The following COL19A1 variants were observed in gnomAD, a reference collection of about 807,000 sequenced individuals.
The protein encoded by COL19A1 is collagen type XIX alpha 1 chain.
COL19A1 carries 159 observed loss-of-function variants against 190.2 expected under a neutral mutation model. The observed-to-expected ratio is 0.84, with a 90% CI of 0.73 to 0.95. The LOEUF (loss-of-function observed/expected upper bound fraction) is 0.95. Among genes scored for constraint, COL19A1 ranks in the 40% least tolerant of loss-of-function variants. COL19A1 has a pLI of 0.00. For synonymous variants in COL19A1, 509 were observed against 458.9 expected, an observed-to-expected ratio of 1.11 and a Z score of -1.39; for missense variants, 1,418 against 1,431.9, an observed-to-expected ratio of 0.99 and a Z score of 0.16.
chr6:69,936,668 TA>T, intron 7 of COL19A1, 116 bp from the exon 8 acceptor site: 1 of 1,333,946 alleles, frequency 7.5e-7, no homozygotes, highest in Non-Finnish European at 1.0e-6. Flanking sequence ...TTTTGGTTAG[TA>T]AGAAGCAGTT....
rs766115611 is a variant in COL19A1 at position 70,146,608 on chromosome 6, G to A, written c.1771-51G>A. The A allele has an allele frequency of 5.6e-6, 8 of 1,438,534 alleles. No homozygotes were observed. The Admixed American group carries it at 9.7e-5, about 17-fold the overall frequency. 89.1% of individuals were successfully genotyped at this position (1,438,534 alleles called of 1,614,324 possible). A position where few individuals can be genotyped will look rare whatever the true frequency, so the allele number is the denominator to read the frequency against. On this transcript the variant is annotated intron_variant, in intron 25 of 50. Coordinates refer to ENST00000620364, the MANE Select transcript of COL19A1 (RefSeq NM_001858.6). ...ATATTTTAGTTATAACTTCTAATGT[G>A]TTTATAACTTTTCTAGAAGAAGATA...
At chr6:69,995,034 T>C (rs888383197) in intron 11 of COL19A1, among the ~76,000 whole-genome samples, 3 of 152,154 alleles carry the variant, frequency 2.0e-5, no homozygotes, top group Admixed American at 1.3e-4. Context: ...ATGTTCTCTC[T>C]CTCACATACA....
chr6:70,200,749 C>G (rs1345182764), intron 49 of COL19A1, among the ~76,000 whole-genome samples: 1 of 152,172 alleles, frequency 6.6e-6, no homozygotes, highest in Non-Finnish European at 1.5e-5. Context: ...CCTTCCTCTT[C>G]TGAAAGAGCA....
At chr6:69,983,293 A>G (rs1776149804) in intron 11 of COL19A1, among the ~76,000 whole-genome samples, 1 of 152,112 alleles carries the variant, frequency 6.6e-6, no homozygotes, top group African/African-American at 2.4e-5. Flanking sequence ...AATACTTTTA[A>G]ATTTTAACTT....
intron 11 of COL19A1, among the ~76,000 whole-genome samples, chr6:70,010,478 A>G (rs1777923943): frequency 1.4e-5 from 2 of 142,844 alleles, no homozygotes; most frequent in Non-Finnish European, 3.0e-5. Context: ...AGTGCCAGAG[A>G]GTTGGCGCAG....
intron 11 of COL19A1, among the ~76,000 whole-genome samples, chr6:70,003,233 G>T (rs1226582544): frequency 6.6e-6 from 1 of 151,836 alleles, no homozygotes; most frequent in African/African-American, 2.4e-5. Context: ...TGCACTGAGA[G>T]ACTGTTTGTT....
At chr6:69,879,379 A>G (rs554580584) in intron 1 of COL19A1, among the ~76,000 whole-genome samples, 157 bp from the exon 2 acceptor site, 20 of 152,342 alleles carry the variant, frequency 1.3e-4, no homozygotes, top group Admixed American at 2.0e-4. Context: ...ATTAAGGTAT[A>G]TATTGAGATA....
rs1313704586 is a variant in COL19A1, at chr6:70,034,246, G to A, written c.1082G>A (p.Gly361Asp). The part of the protein sequence containing the change: ...PALAGLNGEN[G>D]LKGDLGPHGP... ...GTATTGGTTATATTCTTTCTACAGG[G>A]TTTGAAAGGTGACTTGGGTCCTCAT... Residue 361 changes from glycine (G) to aspartate (D), a missense_variant and splice_region_variant, in exon 13 of 51, where the codon GGT becomes GAT. Gly to Asp is a moderately conservative substitution (Grantham distance 94). Transcript: ENST00000620364. The A allele has an allele frequency of 8.7e-6, 14 of 1,609,024 alleles. No homozygotes were observed. Among genetic ancestry groups the A allele is most frequent in the Admixed American group, 1.7e-5 (1 of 60,000 alleles).
At position 70,159,071 on chromosome 6, in the gene COL19A1, C is replaced by A. The variant is rs78563209; in HGVS notation, c.2292+2348C>A. Among the ~76,000 whole-genome samples, 44 of 151,688 alleles carry A rather than the reference C, an allele frequency of 2.9e-4. No homozygotes were observed. In the East Asian group the frequency reaches 6.2e-3, roughly 21 times the overall value. ...ATGTGGTCATCAAAGGTTAATGAATCCCAAGCTTATAAATTAGACTATCTA... is the reference window on the plus strand; with the variant it reads ...ATGTGGTCATCAAAGGTTAATGAATACCAAGCTTATAAATTAGACTATCTA... On this transcript the variant is annotated intron_variant, in intron 34 of 50. Coordinates refer to ENST00000620364, the MANE Select transcript of COL19A1 (RefSeq NM_001858.6).
chr6:70,185,395 A>G (rs530787073), intron 46 of COL19A1, among the ~76,000 whole-genome samples: 1 of 152,290 alleles, frequency 6.6e-6, no homozygotes, highest in East Asian at 1.9e-4. Context: ...GTCTCCAGAC[A>G]TCACCAAATG....
chr6:69,962,196 G>A (rs1214350676), intron 10 of COL19A1, among the ~76,000 whole-genome samples: 2 of 152,148 alleles, frequency 1.3e-5, no homozygotes, highest in African/African-American at 4.8e-5. Context: ...ATCAGAGAGG[G>A]TGTAGATGAA....
Position 70,118,527 on chromosome 6 carries a change from T to C in COL19A1, c.1279-3353T>C, listed in dbSNP as rs561120378. 2.0e-4 allele frequency among the ~76,000 whole-genome samples: 31 copies of C among 152,318 alleles called. 2 individuals are homozygous for C. The South Asian group carries it at 6.4e-3, about 32-fold the overall frequency. ...GGGTAGACGGTTGGCTGTAAATTTC[T>C]GTCACATTAAACTTGCAATTTGTGG... is the stretch of plus-strand genomic sequence containing the variant. On this transcript the variant is annotated intron_variant, in intron 16 of 50. Coordinates refer to ENST00000620364, the MANE Select transcript of COL19A1 (RefSeq NM_001858.6).
intron 9 of COL19A1, among the ~76,000 whole-genome samples, chr6:69,954,038 G>A (rs572645979): frequency 2.0e-5 from 3 of 152,070 alleles, no homozygotes; most frequent in East Asian, 1.9e-4. Context: ...TGCCAAAGCC[G>A]GTGTAAGGTA....
In COL19A1 at chr6:70,124,227, A is replaced by T. The variant is rs192645055; in HGVS notation, c.1341+2285A>T. On this transcript the variant is annotated intron_variant, in intron 17 of 50. Coordinates refer to ENST00000620364, the MANE Select transcript of COL19A1 (RefSeq NM_001858.6). ...GACACCTGTAATGACACCTGCTGTTATAAAATAGGATTTATCATAAATGCT... is the reference window on the plus strand; with the variant it reads ...GACACCTGTAATGACACCTGCTGTTTTAAAATAGGATTTATCATAAATGCT... Among the ~76,000 whole-genome samples, 20 of 152,312 alleles carry T rather than the reference A, an allele frequency of 1.3e-4. No homozygotes were observed. In the East Asian group the frequency reaches 3.9e-3, roughly 29 times the overall value.
intron 1 of COL19A1, among the ~76,000 whole-genome samples, chr6:69,869,363 T>C (rs1184176213): frequency 6.6e-6 from 1 of 152,126 alleles, no homozygotes; most frequent in Non-Finnish European, 1.5e-5. Flanking sequence ...AATAAAATAA[T>C]CAGGTGAGCA....
At chr6:69,895,179 G>A (rs1219450954) in intron 2 of COL19A1, among the ~76,000 whole-genome samples, 1 of 152,136 alleles carries the variant, frequency 6.6e-6, no homozygotes, top group East Asian at 1.9e-4. Flanking sequence ...GTAGGGTGTG[G>A]GGATCGGCAT....
At chr6:69,912,162 A>C (rs555849902) in intron 4 of COL19A1, among the ~76,000 whole-genome samples, 1 of 152,280 alleles carries the variant, frequency 6.6e-6, no homozygotes, top group African/African-American at 2.4e-5. Flanking sequence ...TAGAAAGCTT[A>C]GTACACATGC....
intron 12 of COL19A1, among the ~76,000 whole-genome samples, chr6:70,028,710 C>CA (rs1778858959): frequency 6.6e-6 from 1 of 152,022 alleles, no homozygotes; most frequent in Admixed American, 6.6e-5. Flanking sequence ...CCTTTTAATT[C>CA]AAAAGTACTC....
At position 69,898,800 on chromosome 6, in the gene COL19A1, T is replaced by C. The variant is rs558437973; in HGVS notation, c.92-148T>C. Reference sequence around the variant, plus strand: ...CCACATGTAACCCTCACAAAAACACTGAGGTGGTTAATGTTCTTATCCTCA... The same window carrying C: ...CCACATGTAACCCTCACAAAAACACCGAGGTGGTTAATGTTCTTATCCTCA... On this transcript the variant is annotated intron_variant, in intron 2 of 50. Coordinates refer to ENST00000620364, the MANE Select transcript of COL19A1 (RefSeq NM_001858.6). The C allele has an allele frequency of 5.4e-5, 32 of 587,218 alleles. No individual in the cohort carries two copies. The East Asian group carries it at 8.8e-4, about 16-fold the overall frequency. 36.4% of individuals were successfully genotyped at this position (587,218 alleles called of 1,614,324 possible).
Sources: gnomAD v4.1 joint callset for allele counts (sites outside exome capture counted in the v4.1 genomes callset) on GRCh38, gnomAD v4.1.1 for gene constraint, MANE v1.5 for transcripts, NCBI Gene and HGNC (gene_info 2026-07-23, HGNC 2026-07-21) for gene names.